Variants in ZC3H4 observed in about 807,000 individuals in gnomAD.
The protein encoded by ZC3H4 is zinc finger CCCH-type containing 4.
ZC3H4 carries 13 observed loss-of-function variants against 108.3 expected under a neutral mutation model. The ratio of observed to expected loss-of-function variants is 0.12; its 90% CI spans 0.08 to 0.19. ZC3H4 has a LOEUF of 0.19. Among genes scored for constraint, ZC3H4 ranks in the 10% least tolerant of loss-of-function variants. ZC3H4 has a pLI of 1.00. For synonymous variants in ZC3H4, 917 were observed against 749.6 expected, an observed-to-expected ratio of 1.22 and a Z score of -3.65; for missense variants, 1,734 against 1,838.8, an observed-to-expected ratio of 0.94 and a Z score of 1.04.
chr19:47,084,717 G>GA (rs1478363809), intron 8 of ZC3H4, among the ~76,000 whole-genome samples: 1 of 152,168 alleles, frequency 6.6e-6, no homozygotes, highest in African/African-American at 2.4e-5. Context: ...AACTGTGCAG[G>GA]AACACGTCCA....
chr19:47,086,578 G>A (rs1467665963), intron 5 of ZC3H4, 40 bp from the exon 6 acceptor site: 2 of 1,532,632 alleles, frequency 1.3e-6, no homozygotes, highest in East Asian at 4.8e-5. Context: ...AGCAGGAGCA[G>A]ATGCCACCAG....
chr19:47,078,816 G>A lies in ZC3H4; in HGVS notation c.1440+2697C>T, dbSNP rs186530990. On this transcript the variant is annotated intron_variant, in intron 11 of 14. Coordinates refer to ENST00000253048, the MANE Select transcript of ZC3H4 (RefSeq NM_015168.2). The stretch of plus-strand genomic sequence containing the variant: ...AGAGGTTGCAGTGAGCCGAGATGGT[G>A]CCATTGCACTTCAGCCTGGGCGAAA... Among the ~76,000 whole-genome samples, 333 of 152,204 alleles carry A rather than the reference G, an allele frequency of 2.2e-3. 1 individual carries two copies. Among genetic ancestry groups the A allele is most frequent in the African/African-American group, 7.6e-3 (315 of 41,568 alleles).
At chr19:47,098,825 A>AG (rs1445331287) in intron 2 of ZC3H4, among the ~76,000 whole-genome samples, 3 of 152,222 alleles carry the variant, frequency 2.0e-5, no homozygotes, top group Admixed American at 1.3e-4. Flanking sequence ...ATTTCAAAGG[A>AG]GATATTTCAT....
At chr19:47,112,302 T>C in intron 2 of ZC3H4, 122 bp downstream of exon 2, 2 of 1,051,806 alleles carry the variant, frequency 1.9e-6, no homozygotes, top group Non-Finnish European at 2.4e-6. Context: ...GACCCCGCCC[T>C]TCCTCCTCCT....
chr19:47,066,861 C>T lies in ZC3H4; in HGVS notation c.3407G>A (p.Gly1136Glu), dbSNP rs771031720. Reference sequence around the variant, plus strand: ...GCTCAGCACACTGCTCTGCCCGCCCCCTCCGCCCTGGCCCAGTCCACCGGC... The same window carrying T: ...GCTCAGCACACTGCTCTGCCCGCCCTCTCCGCCCTGGCCCAGTCCACCGGC... The part of the protein sequence containing the change: ...LAAGGLGQGG[G>E]GGQSSVLSGI... Residue 1136 changes from glycine (G) to glutamate (E), a missense_variant, in exon 15 of 15, where the codon GGG becomes GAG. Physicochemically the swap from Gly to Glu is moderately conservative, Grantham distance 98. Around this residue, in one of 9 missense-constraint regions of ZC3H4, gnomAD observed 518 missense variants for 499.6 expected, o/e 1.04. Coordinates refer to ENST00000253048, the MANE Select transcript of ZC3H4 (RefSeq NM_015168.2). 1.3e-6 allele frequency: 2 copies of T among 1,598,882 alleles called. No individual in the cohort carries two copies. Among genetic ancestry groups the T allele is most frequent in the South Asian group, 2.2e-5 (2 of 90,824 alleles).
chr19:47,089,482 T>C (rs1371055225), intron 5 of ZC3H4, among the ~76,000 whole-genome samples: 2 of 152,120 alleles, frequency 1.3e-5, no homozygotes, highest in African/African-American at 4.8e-5. Context: ...GGCAGAGATG[T>C]GTTCTAAGAG....
chr19:47,083,494 C>G lies in ZC3H4; in HGVS notation c.1218+851G>C, dbSNP rs1376307211. On this transcript the variant is annotated intron_variant, in intron 9 of 14. Transcript: ENST00000253048. ...TCCCAGCACTTCAGGAGGCTGGAATCAGGAGTTTGGGACCAGCCTGGCCAA... is the reference window on the plus strand; with the variant it reads ...TCCCAGCACTTCAGGAGGCTGGAATGAGGAGTTTGGGACCAGCCTGGCCAA... 2.0e-5 allele frequency among the ~76,000 whole-genome samples: 3 copies of G among 152,106 alleles called. No individual in the cohort carries two copies. In the East Asian group the frequency reaches 5.8e-4, roughly 29 times the overall value.
chr19:47,101,390 C>T (rs1000853056), intron 2 of ZC3H4, among the ~76,000 whole-genome samples: 1 of 151,816 alleles, frequency 6.6e-6, no homozygotes, highest in African/African-American at 2.4e-5. Flanking sequence ...GACCCCGTCT[C>T]CACAAATAAT....
At chr19:47,109,932 T>G (rs1048031353) in intron 2 of ZC3H4, among the ~76,000 whole-genome samples, 10 of 152,210 alleles carry the variant, frequency 6.6e-5, no homozygotes, top group Non-Finnish European at 1.5e-4. Flanking sequence ...TGTTGTTTTT[T>G]CCTTGTTACG....
At position 47,066,998 on chromosome 19, in the gene ZC3H4, G is replaced by T; in HGVS notation, c.3270C>A (p.Ala1090=). Reference sequence around the variant, plus strand: ...GGCCGGGCTTGGCAGCCCGGGAGGAGGCCGTAGAGTCTGTGGGTTTCTGCA... The same window carrying T: ...GGCCGGGCTTGGCAGCCCGGGAGGATGCCGTAGAGTCTGTGGGTTTCTGCA... ...PRLQKPTDST[A]SSRAAKPGPA... Residue 1090 remains alanine, a synonymous_variant, in exon 15 of 15, where the codon GCC becomes GCA. Transcript: ENST00000253048. 6.3e-7 allele frequency: 1 copy of T among 1,590,528 alleles called. No homozygotes were observed.
chr19:47,076,778 A>T (rs2057429221), intron 11 of ZC3H4, among the ~76,000 whole-genome samples: 1 of 152,098 alleles, frequency 6.6e-6, no homozygotes, highest in Admixed American at 6.6e-5. Flanking sequence ...GCAGATCACG[A>T]GGTCAGGAGT....
chr19:47,077,592 G>A (rs913938122), intron 11 of ZC3H4, among the ~76,000 whole-genome samples: 4 of 151,904 alleles, frequency 2.6e-5, no homozygotes, highest in African/African-American at 9.7e-5. Context: ...GGTGGCTCAC[G>A]CCCGTTATCC....
chr19:47,094,940 G>A (rs1002492287), intron 2 of ZC3H4, among the ~76,000 whole-genome samples: 5 of 152,244 alleles, frequency 3.3e-5, no homozygotes, highest in African/African-American at 9.6e-5. Context: ...TAAGCAGGAA[G>A]AGCCCCATCT....
intron 13 of ZC3H4, among the ~76,000 whole-genome samples, chr19:47,070,916 T>A (rs539216203): frequency 6.6e-6 from 1 of 151,992 alleles, no homozygotes; most frequent in East Asian, 1.9e-4. Context: ...TGCCTTGCAC[T>A]CCAGTGGCCG....
chr19:47,084,152 C>T (rs1413995825), intron 9 of ZC3H4, among the ~76,000 whole-genome samples, 193 bp downstream of exon 9: 2 of 152,148 alleles, frequency 1.3e-5, no homozygotes, highest in Non-Finnish European at 2.9e-5. Context: ...ACTGGGGGTC[C>T]TCCTCACTCT....
chr19:47,093,236 A>AAAAG (rs1555783740), intron 4 of ZC3H4, among the ~76,000 whole-genome samples: 2 of 152,048 alleles, frequency 1.3e-5, no homozygotes, highest in East Asian at 3.9e-4. Flanking sequence ...AAAAAAAAAA[A>AAAAG]AAAATGATTT....
chr19:47,070,807 A>G (rs1404972887), intron 13 of ZC3H4, among the ~76,000 whole-genome samples: 2 of 152,036 alleles, frequency 1.3e-5, no homozygotes, highest in African/African-American at 4.8e-5. Flanking sequence ...ACTATGCCGC[A>G]CGTCCAGCGC....
rs375396009 is a variant in ZC3H4 at position 47,069,088 on chromosome 19, G to A, written c.2398+4C>T. On this transcript the variant is annotated splice_donor_region_variant and intron_variant, in intron 14 of 14. Transcript: ENST00000253048. ...GTGCCCCGGCCCCTGGGGCGGACAC[G>A]TGCCTTCCTCATTCTCCCGGTCCTG... 71 of 1,602,508 alleles carry A rather than the reference G, an allele frequency of 4.4e-5. No individual in the cohort carries two copies. The Middle Eastern group carries it at 1.5e-3, about 33-fold the overall frequency.
intron 5 of ZC3H4, among the ~76,000 whole-genome samples, chr19:47,086,910 G>T (rs1293390583): frequency 6.6e-6 from 1 of 151,924 alleles, no homozygotes; most frequent in African/African-American, 2.4e-5. Context: ...AGACAAGCTA[G>T]CCCTGTAGTT....
Sources: gnomAD v4.1 joint callset for allele counts (sites outside exome capture counted in the v4.1 genomes callset) on GRCh38, gnomAD v4.1.1 for gene constraint, gnomAD v4.1.1 regional missense constraint, MANE v1.5 for transcripts, NCBI Gene and HGNC (gene_info 2026-07-23, HGNC 2026-07-21) for gene names.